MTMR2: variants seen among roughly 807,000 people sequenced by gnomAD.
MTMR2 encodes the protein myotubularin related protein 2.
In MTMR2, 55 loss-of-function variants were observed where a neutral mutation model predicts 86.9. That is an observed-to-expected ratio of 0.63 (90% CI 0.51 to 0.79). MTMR2 has a LOEUF of 0.79. Ranked by LOEUF, MTMR2 falls within the 30% of genes least tolerant of loss-of-function variation. The pLI is 0.00. For missense variants in MTMR2, 659 were observed against 772.3 expected (o/e 0.85, Z 1.74); for synonymous variants, 241 against 266.8 (o/e 0.90, Z 0.94).
At chr11:95,854,663 A>C (rs1343884727) in intron 7 of MTMR2, among the ~76,000 whole-genome samples, 1 of 151,872 alleles carries the variant, frequency 6.6e-6, no homozygotes, top group Non-Finnish European at 1.5e-5. Flanking sequence ...ATAGGGTTTC[A>C]CTATGTTGCC....
In MTMR2 at chr11:95,868,500, T is replaced by C. The variant is rs541568657; in HGVS notation, c.187-2824A>G. The stretch of plus-strand genomic sequence containing the variant: ...AACAGATTTAATGTTGAGGACAAAC[T>C]TGAAAAGTGCTGTAAGAATTTGAAG... On this transcript the variant is annotated intron_variant, in intron 2 of 14. Transcript: ENST00000346299. Among the ~76,000 whole-genome samples, 3 of 151,736 alleles carry C rather than the reference T, an allele frequency of 2.0e-5. No homozygotes were observed. In the East Asian group the frequency reaches 5.8e-4, roughly 29 times the overall value.
chr11:95,847,256 G>C (rs1863830459), intron 10 of MTMR2, among the ~76,000 whole-genome samples: 1 of 152,096 alleles, frequency 6.6e-6, no homozygotes, highest in Non-Finnish European at 1.5e-5. Context: ...TGCTGCCCTA[G>C]CTCCTGAGAG....
chr11:95,868,273 T>TAAAAAAAAAAAAAAAAAAAAAAAAAAAAA (rs555618890), intron 2 of MTMR2, among the ~76,000 whole-genome samples: 11 of 42,222 alleles, frequency 2.6e-4, no homozygotes, highest in South Asian at 1.8e-3. Flanking sequence ...GACCCTGTGC[T>TAAAAAAAAAAAAAAAAAAAAAAAAAAAAA]AAAAAAAAAA....
At chr11:95,872,205 C>T (rs1230413224) in intron 2 of MTMR2, among the ~76,000 whole-genome samples, 1 of 152,116 alleles carries the variant, frequency 6.6e-6, no homozygotes, top group Admixed American at 6.5e-5. Context: ...TATAAATTAC[C>T]TTGGGTAGTA....
In MTMR2 at chr11:95,835,090, C is replaced by T. The variant is rs1863200689; in HGVS notation, c.*200G>A. The T allele has an allele frequency of 1.7e-6, 1 of 583,746 alleles. No homozygotes were observed. The highest frequency in any genetic ancestry group is 3.1e-6 in the Non-Finnish European group (1 of 327,634). 36.2% of individuals were successfully genotyped at this position (583,746 alleles called of 1,614,324 possible). On this transcript the variant is annotated 3_prime_UTR_variant, in exon 15 of 15. Transcript: ENST00000346299. Reference sequence around the variant, plus strand: ...ATACTTAAAAGATTAGTATCATAATCATGTAATTACATATGGAGTTACTTC... The same window carrying T: ...ATACTTAAAAGATTAGTATCATAATTATGTAATTACATATGGAGTTACTTC...
Position 95,833,122 on chromosome 11 carries a change from A to T in MTMR2, c.*2168T>A, listed in dbSNP as rs952560456. On this transcript the variant is annotated 3_prime_UTR_variant, in exon 15 of 15. Transcript: ENST00000346299. ...AGAAAATAGGAATTAGTCACAAGGG[A>T]GAACAGTTGTTCCAGGTGCACAAGA... 2 of 152,134 alleles carry T rather than the reference A, an allele frequency of 1.3e-5. No homozygotes were observed. Among genetic ancestry groups the T allele is most frequent in the African/African-American group, 4.8e-5 (2 of 41,438 alleles). The allele number at this position is 152,134 out of a possible 1,614,324, so 9.4% of individuals were successfully genotyped here. A position where few individuals can be genotyped will look rare whatever the true frequency, so the allele number is the denominator to read the frequency against.
chr11:95,873,719 C>G (rs948062940), intron 2 of MTMR2, among the ~76,000 whole-genome samples: 1 of 152,112 alleles, frequency 6.6e-6, no homozygotes, highest in African/African-American at 2.4e-5. Context: ...TCCACTTTCT[C>G]TTGTGGGCAT....
intron 2 of MTMR2, among the ~76,000 whole-genome samples, chr11:95,880,822 G>A (rs1865296228): frequency 6.6e-6 from 1 of 151,774 alleles, no homozygotes; most frequent in East Asian, 1.9e-4. Flanking sequence ...TGCATATTTG[G>A]GTACTAATCT....
chr11:95,888,349 T>G, intron 1 of MTMR2, 88 bp from the exon 2 acceptor site: 1 of 887,288 alleles, frequency 1.1e-6, no homozygotes, highest in Non-Finnish European at 1.8e-6. Flanking sequence ...CTCCAATATT[T>G]ATTAAAATTT....
rs371365353 is a variant in MTMR2, at chr11:95,877,897, A to G, written c.186+10259T>C. Among the ~76,000 whole-genome samples, 3 of 152,124 alleles carry G rather than the reference A, an allele frequency of 2.0e-5. No homozygotes were observed. In the South Asian group the frequency reaches 6.2e-4, roughly 32 times the overall value. On this transcript the variant is annotated intron_variant, in intron 2 of 14. Coordinates refer to ENST00000346299, the MANE Select transcript of MTMR2 (RefSeq NM_016156.6). ...TGTCTAGGCTCCAGAACTATGAAAG[A>G]ATAAATTTCTGTTGTTTTAAGCTAC...
chr11:95,850,685 T>TATGTA lies in MTMR2; in HGVS notation c.714_718dup (p.Tyr240LeufsTer18). The TATGTA allele has an allele frequency of 6.2e-7, 1 of 1,614,068 alleles. No individual in the cohort carries two copies. Among genetic ancestry groups the TATGTA allele is most frequent in the Non-Finnish European group, 8.5e-7 (1 of 1,179,912 alleles). On this transcript the variant is annotated frameshift_variant, in exon 8 of 15. Transcript: ENST00000346299. LOFTEE classifies it high-confidence loss of function. ...TGCTGGCACAACCAGGAGGGCAGGGTATGTATCACAAAGTTCATATCGTTC... is the reference window on the plus strand; with the variant it reads ...TGCTGGCACAACCAGGAGGGCAGGGTATGTAATGTATCACAAAGTTCATATCGTTC...
chr11:95,844,786 T>A (rs1863701283), intron 11 of MTMR2, among the ~76,000 whole-genome samples, 167 bp downstream of exon 11: 1 of 152,180 alleles, frequency 6.6e-6, no homozygotes, highest in African/African-American at 2.4e-5. Context: ...GACTCCAGAC[T>A]AGTCATGTTA....
intron 1 of MTMR2, among the ~76,000 whole-genome samples, chr11:95,888,724 C>CAA (rs956676976): frequency 2.2e-5 from 3 of 133,658 alleles, no homozygotes; most frequent in African/African-American, 1.2e-4. Context: ...CACACATACA[C>CAA]ACACACACAC....
At chr11:95,893,658 C>T (rs1178937597) in intron 1 of MTMR2, among the ~76,000 whole-genome samples, 5 of 152,154 alleles carry the variant, frequency 3.3e-5, no homozygotes, top group African/African-American at 1.2e-4. Flanking sequence ...TCAGCTAGGC[C>T]CAACACAGTG....
intron 7 of MTMR2, among the ~76,000 whole-genome samples, chr11:95,852,265 T>C (rs189309866): frequency 1.3e-5 from 2 of 152,344 alleles, no homozygotes; most frequent in Admixed American, 1.3e-4. Flanking sequence ...GCCAAAGCTA[T>C]ACATTAGGAA....
chr11:95,907,324 A>C (rs1242770148), intron 1 of MTMR2, among the ~76,000 whole-genome samples: 1 of 152,144 alleles, frequency 6.6e-6, no homozygotes, highest in African/African-American at 2.4e-5. Context: ...GAAGAAAGTG[A>C]AAACCTGAAG....
chr11:95,864,259 G>A (rs76513510), intron 3 of MTMR2, among the ~76,000 whole-genome samples: 233 of 152,206 alleles, frequency 1.5e-3, no homozygotes, highest in African/African-American at 4.9e-3. Flanking sequence ...ATGGTCAACC[G>A]AAAAGAGTAT....
chr11:95,853,001 C>T (rs765544007), intron 7 of MTMR2, among the ~76,000 whole-genome samples: 1 of 151,496 alleles, frequency 6.6e-6, no homozygotes, highest in Non-Finnish European at 1.5e-5. Context: ...CGCCACTGCA[C>T]TCCAGCCTGG....
intron 10 of MTMR2, among the ~76,000 whole-genome samples, chr11:95,845,699 C>T (rs1272483501): frequency 7.7e-6 from 1 of 129,294 alleles, no homozygotes. Context: ...AGCTACTTTT[C>T]TGTAACACTG....
Sources: gnomAD v4.1 joint callset for allele counts (sites outside exome capture counted in the v4.1 genomes callset) on GRCh38, gnomAD v4.1.1 for gene constraint, MANE v1.5 for transcripts, NCBI Gene and HGNC (gene_info 2026-07-23, HGNC 2026-07-21) for gene names.